The following FRK variants were observed in gnomAD, a reference collection of about 807,000 sequenced individuals.
FRK encodes the protein tyrosine-protein kinase FRK.
Under a neutral mutation model 56.4 loss-of-function variants are expected in FRK, and 51 were observed. The ratio of observed to expected loss-of-function variants is 0.90; its 90% CI spans 0.72 to 1.14. The LOEUF (loss-of-function observed/expected upper bound fraction) is 1.14, where lower values mean the gene tolerates loss of function less well. FRK is among the 50% of genes most tolerant of loss of function. The pLI, the probability that FRK is intolerant of heterozygous loss-of-function variation, is 0.00. For missense variants in FRK, 570 were observed against 601.4 expected (o/e 0.95, Z 0.55); for synonymous variants, 245 against 217.9 (o/e 1.12, Z -1.10).
the FRK span, among the ~76,000 whole-genome samples, chr6:116,091,213 T>C: frequency 6.6e-6 from 1 of 152,126 alleles, no homozygotes; most frequent in Non-Finnish European, 1.5e-5. Flanking sequence ...GGATTGTAAA[T>C]GCACCAATCA....
chr6:116,017,111 T>C (rs903174604), intron 1 of FRK, among the ~76,000 whole-genome samples: 7 of 152,134 alleles, frequency 4.6e-5, no homozygotes, highest in Non-Finnish European at 1.0e-4. Context: ...ATTACAAGCT[T>C]ACTCCTCAGA....
At chr6:116,017,064 T>A (rs1775685130) in intron 1 of FRK, among the ~76,000 whole-genome samples, 1 of 152,198 alleles carries the variant, frequency 6.6e-6, no homozygotes, top group Non-Finnish European at 1.5e-5. Flanking sequence ...TGCTTGCTCC[T>A]GCTTAGAATT....
At chr6:116,039,150 A>G in intron 1 of FRK, 1 of 1,004,756 alleles carries the variant, frequency 1.0e-6, no homozygotes, top group Non-Finnish European at 1.6e-6. Flanking sequence ...AAGCTAGCTG[A>G]AAGGGAAGTG....
At position 115,964,917 on chromosome 6, in the gene FRK, T is replaced by G. The variant is rs1331855381; in HGVS notation, c.799+2634A>C. Among the ~76,000 whole-genome samples the G allele has an allele frequency of 1.8e-4, 4 of 22,818 alleles. No individual in the cohort carries two copies. In the Admixed American group the frequency reaches 2.0e-3, roughly 11 times the overall value. The allele number at this position is 22,818 out of a possible 152,430, so 15.0% of individuals were successfully genotyped here. A position where few individuals can be genotyped will look rare whatever the true frequency, so the allele number is the denominator to read the frequency against. On this transcript the variant is annotated intron_variant, in intron 4 of 7. Coordinates refer to ENST00000606080, the MANE Select transcript of FRK (RefSeq NM_002031.3). ...ATCAATTCAAGATGGATTAAAGATT[T>G]AAACGCTAGACCTAAAACCATAAAA...
chr6:116,100,198 A>G, the FRK span, among the ~76,000 whole-genome samples: 6 of 152,254 alleles, frequency 3.9e-5, no homozygotes, highest in Non-Finnish European at 7.3e-5. Flanking sequence ...TTATCAAGTA[A>G]TAACCAATAT....
In FRK at chr6:115,944,382, C is replaced by T. The variant is rs2114514595; in HGVS notation, c.1002G>A (p.Met334Ile). The T allele has an allele frequency of 6.2e-7, 1 of 1,612,214 alleles. No individual in the cohort carries two copies. The highest frequency in any genetic ancestry group is 2.2e-5 in the East Asian group (1 of 44,872). ...CCATTCCAGAGGCAACCTGTGCCGCCATGTCTACCTGTTGAGTCAGATGGA... is the reference window on the plus strand; with the variant it reads ...CCATTCCAGAGGCAACCTGTGCCGCTATGTCTACCTGTTGAGTCAGATGGA... The part of the protein sequence containing the change: ...SKIHLTQQVD[M>I]AAQVASGMAY... Residue 334 changes from methionine to isoleucine, a missense_variant, in exon 6 of 8, where the codon ATG (methionine) becomes ATA (isoleucine). Met to Ile is a conservative substitution (Grantham distance 10). Coordinates refer to ENST00000606080, the MANE Select transcript of FRK (RefSeq NM_002031.3).
chr6:115,950,419 GA>G, intron 5 of FRK, among the ~76,000 whole-genome samples: 1 of 152,128 alleles, frequency 6.6e-6, no homozygotes. Context: ...ACAAATATAT[GA>G]AAAAAAGCTC....
rs753634677 is a variant in FRK, at chr6:115,942,240, G to T, written c.*174C>A. ...ATCACCTTGACTGTCCTGCAGTGTT[G>T]CCCAGTCAATAAAATGCACAAATAA... On this transcript the variant is annotated 3_prime_UTR_variant, in exon 8 of 8. Transcript: ENST00000606080. 1.7e-6 allele frequency: 1 copy of T among 586,996 alleles called. No individual in the cohort carries two copies. The highest frequency in any genetic ancestry group is 3.0e-6 in the Non-Finnish European group (1 of 331,542). The allele number at this position is 586,996 out of a possible 1,614,324, so 36.4% of individuals were successfully genotyped here.
upstream of FRK, among the ~76,000 whole-genome samples, chr6:116,064,973 C>G (rs1777732869): frequency 6.6e-6 from 1 of 152,130 alleles, no homozygotes; most frequent in Non-Finnish European, 1.5e-5. Flanking sequence ...CTCAGTATTC[C>G]TTCCACTGCT....
chr6:115,994,425 G>A (rs1318234804), intron 2 of FRK, among the ~76,000 whole-genome samples: 1 of 147,786 alleles, frequency 6.8e-6, no homozygotes, highest in East Asian at 2.0e-4. Flanking sequence ...TATGCATTTG[G>A]ATGAGTCTAC....
At chr6:116,069,637 T>C in the FRK span, among the ~76,000 whole-genome samples, 1 of 152,090 alleles carries the variant, frequency 6.6e-6, no homozygotes, top group Non-Finnish European at 1.5e-5. Context: ...GGTATAAAAG[T>C]GGATTAATTC....
chr6:115,958,704 G>GAAGGAAGA (rs1773154203), intron 4 of FRK, among the ~76,000 whole-genome samples: 3 of 6,960 alleles, frequency 4.3e-4, no homozygotes, highest in African/African-American at 1.2e-3. Context: ...AAGAAAGAAA[G>GAAGGAAGA]AAGAAAGAAA....
the FRK span, among the ~76,000 whole-genome samples, chr6:116,094,322 G>C: frequency 1.3e-5 from 2 of 152,172 alleles, no homozygotes; most frequent in Admixed American, 1.3e-4. Context: ...CTGAGCCCCG[G>C]GTACATTTAA....
At position 115,941,389 on chromosome 6, in the gene FRK, T is replaced by C. The variant is rs1349905110; in HGVS notation, c.*1025A>G. The C allele has an allele frequency of 6.6e-6, 1 of 152,152 alleles. No homozygotes were observed. The highest frequency in any genetic ancestry group is 1.5e-5 in the Non-Finnish European group (1 of 68,046). The allele number at this position is 152,152 out of a possible 1,614,324, so 9.4% of individuals were successfully genotyped here. A position where few individuals can be genotyped will look rare whatever the true frequency, so the allele number is the denominator to read the frequency against. On this transcript the variant is annotated 3_prime_UTR_variant, in exon 8 of 8. Coordinates refer to ENST00000606080, the MANE Select transcript of FRK (RefSeq NM_002031.3). Reference sequence around the variant, plus strand: ...GAACAGCACTAGGAGAAATGCCTAATGTAGACGACGGGTTGATGGGTGCAG... The same window carrying C: ...GAACAGCACTAGGAGAAATGCCTAACGTAGACGACGGGTTGATGGGTGCAG...
chr6:116,038,667 A>G (rs531100390), intron 1 of FRK: 1 of 340,812 alleles, frequency 2.9e-6, no homozygotes, highest in Admixed American at 3.9e-5. Flanking sequence ...TTAACATGAT[A>G]CCTTTTAGAA....
At chr6:116,000,782 A>C (rs913473198) in intron 2 of FRK, among the ~76,000 whole-genome samples, 6 of 152,242 alleles carry the variant, frequency 3.9e-5, no homozygotes, top group African/African-American at 1.4e-4. Flanking sequence ...ATCTGTAAGG[A>C]TGTCCACTGT....
At chr6:116,011,592 G>C (rs1478080377) in intron 1 of FRK, among the ~76,000 whole-genome samples, 1 of 152,134 alleles carries the variant, frequency 6.6e-6, no homozygotes, top group African/African-American at 2.4e-5. Flanking sequence ...AGGGTTAGCA[G>C]TGTCTTTCAT....
chr6:116,077,458 T>C, the FRK span, among the ~76,000 whole-genome samples: 1 of 152,234 alleles, frequency 6.6e-6, no homozygotes, highest in Non-Finnish European at 1.5e-5. Flanking sequence ...CTTTAAATCC[T>C]ATAGCTCCCC....
chr6:116,057,263 G>A (rs777141746), intron 1 of FRK, among the ~76,000 whole-genome samples: 3 of 151,920 alleles, frequency 2.0e-5, no homozygotes, highest in African/African-American at 7.3e-5. Context: ...AAAAAATTAC[G>A]TTAATTTTCA....
Sources: gnomAD v4.1 joint callset for allele counts (sites outside exome capture counted in the v4.1 genomes callset) on GRCh38, gnomAD v4.1.1 for gene constraint, MANE v1.5 for transcripts, NCBI Gene and HGNC (gene_info 2026-07-23, HGNC 2026-07-21) for gene names.